GDPD5: variants seen among roughly 807,000 people sequenced by gnomAD.
GDPD5 encodes glycerophosphodiester phosphodiesterase domain containing 5.
Under a neutral mutation model 75.1 loss-of-function variants are expected in GDPD5, and 48 were observed. The ratio of observed to expected loss-of-function variants is 0.64; its 90% confidence interval spans 0.51 to 0.81. GDPD5 has a LOEUF of 0.81. GDPD5 is among the 40% of genes least tolerant of loss of function. The pLI, the probability that GDPD5 is intolerant of heterozygous loss-of-function variation, is 0.00. For synonymous variants in GDPD5, 336 were observed against 339.0 expected (o/e 0.99, Z 0.10); for missense variants, 706 against 822.6 (o/e 0.86, Z 1.73).
At chr11:75,487,997 A>G (rs1950047114) in intron 2 of GDPD5, among the ~76,000 whole-genome samples, 2 of 152,198 alleles carry the variant, frequency 1.3e-5, no homozygotes, top group Admixed American at 1.3e-4. Flanking sequence ...ACAAAACATC[A>G]GCACCAAAGT....
chr11:75,469,912 A>G lies in GDPD5; in HGVS notation c.118-7023T>C, dbSNP rs140084572. On this transcript the variant is annotated intron_variant, in intron 3 of 16. Coordinates refer to ENST00000336898, the MANE Select transcript of GDPD5 (RefSeq NM_030792.8). The stretch of plus-strand genomic sequence containing the variant: ...TACATCCTCACCACCCTTCTCTTCC[A>G]GTCATCTACGTACACGTGTTGAGCC... Among the ~76,000 whole-genome samples the G allele has an allele frequency of 1.3e-3, 200 of 152,344 alleles. 2 individuals are homozygous for G. The highest frequency in any genetic ancestry group is 2.9e-3 in the Admixed American group (45 of 15,306).
chr11:75,506,357 A>T (rs1950399463), intron 1 of GDPD5, among the ~76,000 whole-genome samples: 1 of 152,156 alleles, frequency 6.6e-6, no homozygotes, highest in Admixed American at 6.5e-5. Context: ...AGGAAAATTC[A>T]TCATCAGGTA....
chr11:75,454,087 A>G (rs1294822771), intron 6 of GDPD5, among the ~76,000 whole-genome samples: 2 of 152,250 alleles, frequency 1.3e-5, no homozygotes, highest in African/African-American at 2.4e-5. Context: ...TCCAAGGATG[A>G]ATGACAAACT....
rs913115916 is a variant in GDPD5, at chr11:75,486,383, G to A, written c.-61+3854C>T. 3.3e-5 allele frequency among the ~76,000 whole-genome samples: 5 copies of A among 152,314 alleles called. No homozygotes were observed. In the South Asian group the frequency reaches 1.0e-3, roughly 32 times the overall value. ...AGGCACCTGGTCGTCCTGAGCACCAGGGCAGAGCTCTGGCCCTGCCCAAGG... is the reference window on the plus strand; with the variant it reads ...AGGCACCTGGTCGTCCTGAGCACCAAGGCAGAGCTCTGGCCCTGCCCAAGG... On this transcript the variant is annotated intron_variant, in intron 2 of 16. Transcript: ENST00000336898.
chr11:75,500,045 A>C (rs1950277696), intron 1 of GDPD5, among the ~76,000 whole-genome samples: 1 of 152,146 alleles, frequency 6.6e-6, no homozygotes, highest in African/African-American at 2.4e-5. Flanking sequence ...CTGCCTGCCC[A>C]GCACTGCACC....
chr11:75,490,725 A>C (rs2135417232), intron 1 of GDPD5: 1 of 152,352 alleles, frequency 6.6e-6, no homozygotes. Flanking sequence ...GGTAGCTGCC[A>C]AACCAGCTTG....
Position 75,441,799 on chromosome 11 carries a change from A to G in GDPD5, c.1172T>C (p.Met391Thr). 1 of 1,607,638 alleles carries G rather than the reference A, an allele frequency of 6.2e-7. No individual in the cohort carries two copies. Among genetic ancestry groups the G allele is most frequent in the Admixed American group, 1.7e-5 (1 of 59,926 alleles). Residue 391 changes from methionine to threonine, a missense_variant, in exon 13 of 17, where the codon ATG (methionine) becomes ACG (threonine). Coordinates refer to ENST00000336898, the MANE Select transcript of GDPD5 (RefSeq NM_030792.8). ...GGGCCTCTGCCTGCTAGGCAGCCACATGACCTGCAGGCAGAAGAGAGGCAG... is the reference window on the plus strand; with the variant it reads ...GGGCCTCTGCCTGCTAGGCAGCCACGTGACCTGCAGGCAGAAGAGAGGCAG... Reference protein sequence around the residue: ...LHSGFPQHQVMWLPSRQRPLV... With the variant: ...LHSGFPQHQVTWLPSRQRPLV...
At chr11:75,460,944 C>T (rs772612896) in intron 4 of GDPD5, among the ~76,000 whole-genome samples, 12 of 151,976 alleles carry the variant, frequency 7.9e-5, no homozygotes, top group Non-Finnish European at 1.2e-4. Flanking sequence ...AGGGAGCTCA[C>T]TCTCTGGGTA....
At chr11:75,455,945 G>A (rs985726831) in intron 6 of GDPD5, among the ~76,000 whole-genome samples, 1 of 152,226 alleles carries the variant, frequency 6.6e-6, no homozygotes, top group Non-Finnish European at 1.5e-5. Flanking sequence ...CCTGCAAAGA[G>A]CACCTTGACT....
chr11:75,469,183 T>C (rs1790160), intron 3 of GDPD5, among the ~76,000 whole-genome samples: 73,527 of 152,058 alleles, frequency 0.48, 21,515 homozygotes, highest in East Asian at 0.79. Context: ...GGCCTGGCTC[T>C]GTAGGCTGTG....
chr11:75,442,724 A>G, intron 11 of GDPD5, 143 bp from the exon 12 acceptor site: 1 of 684,268 alleles, frequency 1.5e-6, no homozygotes, highest in South Asian at 1.9e-5. Context: ...GGCCATGTGG[A>G]GGCTGTAGGA....
At position 75,443,144 on chromosome 11, in the gene GDPD5, A is replaced by G. The variant is rs1053002254; in HGVS notation, c.940T>C (p.Phe314Leu). The stretch of plus-strand genomic sequence containing the variant: ...ATCAGGTGCAGCCAGACCTTCAGGA[A>G]CCACTGGCCAGCGTTGAGTCTCTGC... Reference protein sequence around the residue: ...TLQRLNAGQWFLKTDPFWTAS... With the variant: ...TLQRLNAGQWLLKTDPFWTAS... The change falls in exon 11 of 17, where the codon TTC becomes CTC. Residue 314 changes from phenylalanine to leucine, a missense_variant. Coordinates refer to ENST00000336898, the MANE Select transcript of GDPD5 (RefSeq NM_030792.8). 1 of 1,602,094 alleles carries G rather than the reference A, an allele frequency of 6.2e-7. No individual in the cohort carries two copies. Among genetic ancestry groups the G allele is most frequent in the Non-Finnish European group, 8.5e-7 (1 of 1,174,288 alleles).
At chr11:75,454,263 G>A (rs893962255) in intron 6 of GDPD5, among the ~76,000 whole-genome samples, 5 of 152,128 alleles carry the variant, frequency 3.3e-5, no homozygotes, top group Admixed American at 6.5e-5. Context: ...GAAAAATGCC[G>A]AATCTAACTC....
intron 16 of GDPD5, 112 bp downstream of exon 16, chr11:75,436,824 C>G (rs1948638314): frequency 2.6e-6 from 2 of 774,248 alleles, no homozygotes; most frequent in Non-Finnish European, 4.4e-6. Flanking sequence ...GTGCCCTTGT[C>G]CCTACCCATA....
intron 6 of GDPD5, chr11:75,456,395 G>A (rs1949286757): frequency 4.4e-6 from 1 of 225,950 alleles, no homozygotes; most frequent in African/African-American, 2.2e-5. Context: ...CCAGAGGGTG[G>A]GTGCCACAGT....
At chr11:75,483,211 C>T (rs1387841195) in intron 2 of GDPD5, among the ~76,000 whole-genome samples, 11 of 152,102 alleles carry the variant, frequency 7.2e-5, no homozygotes, top group African/African-American at 2.2e-4. Context: ...GACAAGAGAA[C>T]GCTCTCACCT....
chr11:75,517,597 T>C (rs1016445900), intron 1 of GDPD5, among the ~76,000 whole-genome samples: 1 of 152,190 alleles, frequency 6.6e-6, no homozygotes, highest in African/African-American at 2.4e-5. Context: ...GCTCATTCGC[T>C]GGCTCTGGGT....
At chr11:75,439,550 C>T (rs1194342340) in intron 15 of GDPD5, among the ~76,000 whole-genome samples, 1 of 151,984 alleles carries the variant, frequency 6.6e-6, no homozygotes, top group East Asian at 1.9e-4. Flanking sequence ...ACTGCGAGCA[C>T]ACCCCAGCTA....
chr11:75,497,383 T>TGCTG (rs1469710862), intron 1 of GDPD5, among the ~76,000 whole-genome samples: 1 of 152,138 alleles, frequency 6.6e-6, no homozygotes, highest in African/African-American at 2.4e-5. Context: ...CCTGGCACAG[T>TGCTG]GCTGGACCCA....
Sources: allele counts gnomAD v4.1 joint callset (sites outside exome capture counted in the v4.1 genomes callset), GRCh38; gene constraint gnomAD v4.1.1; transcripts MANE v1.5; gene names NCBI Gene and HGNC (gene_info 2026-07-23, HGNC 2026-07-21).